The following TRDMT1 variants were observed in gnomAD, a reference collection of about 807,000 sequenced individuals.
The protein encoded by TRDMT1 is tRNA (cytosine(38)-C(5))-methyltransferase.
In TRDMT1, 49 loss-of-function variants were observed where a neutral mutation model predicts 51.2. The observed-to-expected ratio is 0.96, with a 90% CI of 0.76 to 1.21. TRDMT1 has a LOEUF of 1.21. TRDMT1 is among the 50% of genes most tolerant of loss of function. TRDMT1 has a pLI of 0.00. For missense variants in TRDMT1, 534 were observed against 462.3 expected (o/e 1.16, Z -1.42); for synonymous variants, 187 against 164.6 (o/e 1.14, Z -1.04).
intron 5 of TRDMT1, among the ~76,000 whole-genome samples, chr10:17,161,078 G>A (rs1384964826): frequency 6.6e-6 from 1 of 152,102 alleles, no homozygotes; most frequent in Non-Finnish European, 1.5e-5. Flanking sequence ...CTCCAGCTGA[G>A]CCACCATCTG....
At position 17,154,705 on chromosome 10, in the gene TRDMT1, G is replaced by T; in HGVS notation, c.917C>A (p.Ser306Tyr). ...CACATCCTCTGCAGTCTGTAACACA[G>T]ACCCTGTCCCTTCTATGTAGCTTCC... ...GYGSYIEGTGSVLQTAEDVQV... is the reference protein window; with the variant it reads ...GYGSYIEGTGYVLQTAEDVQV... Residue 306 changes from serine to tyrosine, a missense_variant, in exon 9 of 11, where the codon TCT becomes TAT. Transcript: ENST00000377799. The T allele has an allele frequency of 6.2e-7, 1 of 1,605,986 alleles. No individual in the cohort carries two copies. Among genetic ancestry groups the T allele is most frequent in the Non-Finnish European group, 8.5e-7 (1 of 1,176,420 alleles).
chr10:17,196,102 G>A lies in TRDMT1; in HGVS notation c.64+5469C>T, dbSNP rs1428791693. Among the ~76,000 whole-genome samples the A allele has an allele frequency of 4.6e-5, 7 of 152,300 alleles. No individual in the cohort carries two copies. The East Asian group carries it at 1.3e-3, about 29-fold the overall frequency. ...ACAAGCTGGTCTAGTAGACTCCCAA[G>A]TTGGCATGTAAGTCGTTGAGGAACA... On this transcript the variant is annotated intron_variant, in intron 1 of 10. Coordinates refer to ENST00000377799, the MANE Select transcript of TRDMT1 (RefSeq NM_004412.7).
At chr10:17,174,916 T>C (rs1386518069) in intron 1 of TRDMT1, among the ~76,000 whole-genome samples, 1 of 152,224 alleles carries the variant, frequency 6.6e-6, no homozygotes, top group Non-Finnish European at 1.5e-5. Flanking sequence ...TTACCTCTTA[T>C]ATTTGCTTTC....
At chr10:17,150,497 A>G (rs1322533907) in intron 10 of TRDMT1, 1 of 985,314 alleles carries the variant, frequency 1.0e-6, no homozygotes, top group Non-Finnish European at 1.2e-6. Flanking sequence ...TGCTGGAAGA[A>G]GGCCTTGCAA....
chr10:17,166,896 C>G, intron 3 of TRDMT1, among the ~76,000 whole-genome samples: 1 of 152,262 alleles, frequency 6.6e-6, no homozygotes, highest in African/African-American at 2.4e-5. Context: ...CACTCTTGCA[C>G]GTGCCTAGAG....
In TRDMT1 at chr10:17,141,413, G is replaced by A. The variant is rs989444541; in HGVS notation, c.*7627C>T. Among the ~76,000 whole-genome samples the A allele has an allele frequency of 4.6e-5, 7 of 151,980 alleles. No individual in the cohort carries two copies. Among genetic ancestry groups the A allele is most frequent in the African/African-American group, 7.3e-5 (3 of 41,352 alleles). On this transcript the variant is annotated 3_prime_UTR_variant, in exon 11 of 11. Coordinates refer to ENST00000377799, the MANE Select transcript of TRDMT1 (RefSeq NM_004412.7). ...CTGACCTTATGATCTGCCCCCCTTCGCCTCCTAAAGTGCTGGGATTACAGG... is the reference window on the plus strand; with the variant it reads ...CTGACCTTATGATCTGCCCCCCTTCACCTCCTAAAGTGCTGGGATTACAGG...
At chr10:17,158,300 A>C (rs1839843169) in intron 7 of TRDMT1, among the ~76,000 whole-genome samples, 1 of 152,190 alleles carries the variant, frequency 6.6e-6, no homozygotes, top group African/African-American at 2.4e-5. Context: ...TCTGCAAAAC[A>C]TACAACCATG....
Position 17,149,016 on chromosome 10 carries a change from C to T in TRDMT1, c.*24G>A. 1 of 1,576,638 alleles carries T rather than the reference C, an allele frequency of 6.3e-7. No homozygotes were observed. Among genetic ancestry groups the T allele is most frequent in the Non-Finnish European group, 8.6e-7 (1 of 1,161,100 alleles). On this transcript the variant is annotated 3_prime_UTR_variant, in exon 11 of 11. Coordinates refer to ENST00000377799, the MANE Select transcript of TRDMT1 (RefSeq NM_004412.7). ...CTGAAAATGAAGGAATATCATATGA[C>T]CATCTTTCAGAGTTATTTCAAAATT... is the stretch of plus-strand genomic sequence containing the variant.
rs76242851 is a variant in TRDMT1, at chr10:17,148,080, T to C, written c.*960A>G. 54 of 985,416 alleles carry C rather than the reference T, an allele frequency of 5.5e-5. No homozygotes were observed. In the African/African-American group the frequency reaches 9.2e-4, roughly 17 times the overall value. 61.0% of individuals were successfully genotyped at this position (985,416 alleles called of 1,614,324 possible). A position where few individuals can be genotyped will look rare whatever the true frequency, so the allele number is the denominator to read the frequency against. ...CTTGCTTTTATCACAAACCATAGAA[T>C]TTATGATGCAAGACTTAGTTTGATT... On this transcript the variant is annotated 3_prime_UTR_variant, in exon 11 of 11. Transcript: ENST00000377799.
chr10:17,149,089 C>A lies in TRDMT1; in HGVS notation c.1127G>T (p.Ser376Ile). The change falls in exon 11 of 11, where the codon AGT becomes ATT. Residue 376 changes from serine to isoleucine, a missense_variant. Physicochemically the swap from Ser to Ile is moderately radical, Grantham distance 142. Coordinates refer to ENST00000377799, the MANE Select transcript of TRDMT1 (RefSeq NM_004412.7). ...VKQRYRLLGN[S>I]LNVHVVAKLI... ...TTTAGCTACTACATGCACGTTGAGACTATTTCCAAGTAGGCGATAACGCTG... is the reference window on the plus strand; with the variant it reads ...TTTAGCTACTACATGCACGTTGAGAATATTTCCAAGTAGGCGATAACGCTG... 2 of 1,611,624 alleles carry A rather than the reference C, an allele frequency of 1.2e-6. No homozygotes were observed. The highest frequency in any genetic ancestry group is 1.7e-6 in the Non-Finnish European group (2 of 1,179,164).
chr10:17,162,481 T>G (rs1588547291), intron 3 of TRDMT1, among the ~76,000 whole-genome samples: 1 of 152,042 alleles, frequency 6.6e-6, no homozygotes, highest in Admixed American at 6.6e-5. Context: ...GTGAGGCAGG[T>G]GGATCACGTG....
Position 17,142,052 on chromosome 10 carries a change from A to ATT in TRDMT1, c.*6986_*6987dup, listed in dbSNP as rs34782095. Reference sequence around the variant, plus strand: ...TTCTATTTCTTTGCTGAGCTTTTCTATTTTTTGTGGCAAGACAACTTGTAA... The same window carrying ATT: ...TTCTATTTCTTTGCTGAGCTTTTCTATTTTTTTTGTGGCAAGACAACTTGTAA... On this transcript the variant is annotated 3_prime_UTR_variant, in exon 11 of 11. Coordinates refer to ENST00000377799, the MANE Select transcript of TRDMT1 (RefSeq NM_004412.7). Among the ~76,000 whole-genome samples the ATT allele has an allele frequency of 2.2e-4, 33 of 152,016 alleles. 1 individual carries two copies. The East Asian group carries it at 5.8e-3, about 27-fold the overall frequency.
At position 17,201,657 on chromosome 10, in the gene TRDMT1, C is replaced by A. The variant is rs554038817; in HGVS notation, c.-23G>T. Reference sequence around the variant, plus strand: ...CATCCCCGCGCCTCAGCCGCCGCAGCCCCGGAGCTAGGCCTGCCGGTCCGT... The same window carrying A: ...CATCCCCGCGCCTCAGCCGCCGCAGACCCGGAGCTAGGCCTGCCGGTCCGT... On this transcript the variant is annotated 5_prime_UTR_variant, in exon 1 of 11. Transcript: ENST00000377799. 9.4e-5 allele frequency: 144 copies of A among 1,538,042 alleles called. 1 individual carries two copies. The highest frequency in any genetic ancestry group is 7.5e-4 in the Middle Eastern group (4 of 5,350).
At chr10:17,201,545 G>C (rs1337354790) in intron 1 of TRDMT1, 26 bp downstream of exon 1, 2 of 1,544,160 alleles carry the variant, frequency 1.3e-6, no homozygotes, top group African/African-American at 1.4e-5. Context: ...AGCGAATAGA[G>C]AGAGGGGTGC....
chr10:17,159,527 T>G (rs1840015621), intron 6 of TRDMT1, among the ~76,000 whole-genome samples: 1 of 152,198 alleles, frequency 6.6e-6, no homozygotes, highest in African/African-American at 2.4e-5. Context: ...TTTACATTCA[T>G]TATTGATAAT....
chr10:17,150,711 A>G lies in TRDMT1; in HGVS notation c.1076-1571T>C, dbSNP rs534299382. ...GGACAGGAAGGTAGAATTAGTTACA[A>G]TAAAGTTGCTTCATTGACACTTGAC... is the stretch of plus-strand genomic sequence containing the variant. On this transcript the variant is annotated intron_variant, in intron 10 of 10. Transcript: ENST00000377799. 1.8e-5 allele frequency: 18 copies of G among 984,944 alleles called. No individual in the cohort carries two copies. The South Asian group carries it at 5.6e-4, about 31-fold the overall frequency. 61.0% of individuals were successfully genotyped at this position (984,944 alleles called of 1,614,324 possible). A position where few individuals can be genotyped will look rare whatever the true frequency, so the allele number is the denominator to read the frequency against.
intron 2 of TRDMT1, among the ~76,000 whole-genome samples, chr10:17,172,988 T>C (rs1290162742): frequency 6.6e-6 from 1 of 152,062 alleles, no homozygotes; most frequent in Non-Finnish European, 1.5e-5. Flanking sequence ...AAGATAGATA[T>C]AGATATTTAG....
intron 2 of TRDMT1, among the ~76,000 whole-genome samples, chr10:17,173,259 A>ATATATGTTCAT (rs1564306480): frequency 3.3e-5 from 5 of 152,174 alleles, no homozygotes; most frequent in Non-Finnish European, 7.4e-5. Flanking sequence ...TTTACTTGTA[A>ATATATGTTCAT]TGGTAAAAAA....
intron 6 of TRDMT1, among the ~76,000 whole-genome samples, 183 bp downstream of exon 6, chr10:17,160,122 A>T (rs1840106937): frequency 6.6e-6 from 1 of 152,162 alleles, no homozygotes; most frequent in African/African-American, 2.4e-5. Context: ...TAAAATATGT[A>T]TGAATGAATT....
Sources: allele counts gnomAD v4.1 joint callset (sites outside exome capture counted in the v4.1 genomes callset), GRCh38; gene constraint gnomAD v4.1.1; transcripts MANE v1.5; gene names NCBI Gene and HGNC (gene_info 2026-07-23, HGNC 2026-07-21).